Variants in FIGN observed in about 807,000 individuals in gnomAD.
FIGN encodes the protein fidgetin, microtubule severing factor.
FIGN carries 11 observed loss-of-function variants against 51.3 expected under a neutral mutation model. The ratio of observed to expected loss-of-function variants is 0.21; its 90% CI spans 0.13 to 0.35. The LOEUF is 0.35. Ranked by LOEUF, FIGN falls within the 10% of genes least tolerant of loss-of-function variation. The probability of loss-of-function intolerance (pLI) is 1.00; values close to 1 mark genes in which losing one functional copy is unlikely to be tolerated. For missense variants in FIGN, 857 were observed against 943.6 expected, an observed-to-expected ratio of 0.91 and a Z score of 1.20; for synonymous variants, 407 against 363.2, an observed-to-expected ratio of 1.12 and a Z score of -1.37.
chr2:163,609,204 T>C lies in FIGN; in HGVS notation c.*348A>G. 4.4e-6 allele frequency: 1 copy of C among 227,666 alleles called. No individual in the cohort carries two copies. The highest frequency in any genetic ancestry group is 9.3e-5 in the East Asian group (1 of 10,766). The allele number at this position is 227,666 out of a possible 1,614,324, so 14.1% of individuals were successfully genotyped here. ...AAAAATAAAGCACCACTCCAGGCAC[T>C]TGACAGCAACTAAATCTCGAGAACA... On this transcript the variant is annotated 3_prime_UTR_variant, in exon 3 of 3. Transcript: ENST00000333129.
chr2:163,682,887 G>A (rs989797136), intron 2 of FIGN, among the ~76,000 whole-genome samples: 20 of 152,162 alleles, frequency 1.3e-4, no homozygotes, highest in African/African-American at 4.3e-4. Flanking sequence ...GACTTTGGAT[G>A]AGTCACTTAA....
Position 163,611,822 on chromosome 2 carries a change from G to C in FIGN, c.26-16C>G. On this transcript the variant is annotated splice_polypyrimidine_tract_variant and intron_variant, in intron 2 of 2. Transcript: ENST00000333129. Reference sequence around the variant, plus strand: ...ATCTTCAAGCCTAAGAATTTTGGGGGGAAAAGAGTTAATTTACTTAAATAG... The same window carrying C: ...ATCTTCAAGCCTAAGAATTTTGGGGCGAAAAGAGTTAATTTACTTAAATAG... The C allele has an allele frequency of 6.3e-7, 1 of 1,580,382 alleles. No individual in the cohort carries two copies. The highest frequency in any genetic ancestry group is 8.6e-7 in the Non-Finnish European group (1 of 1,157,614).
chr2:163,726,714 A>G (rs1469894069), intron 2 of FIGN, among the ~76,000 whole-genome samples: 2 of 152,114 alleles, frequency 1.3e-5, no homozygotes, highest in Non-Finnish European at 2.9e-5. Context: ...TATTCCATTT[A>G]GATAATCAAA....
At chr2:163,703,214 C>T (rs1684438303) in intron 2 of FIGN, among the ~76,000 whole-genome samples, 1 of 151,966 alleles carries the variant, frequency 6.6e-6, no homozygotes, top group Admixed American at 6.6e-5. Context: ...AAAAAGATTT[C>T]CATTTGAATA....
In FIGN at chr2:163,694,291, T is replaced by C. The variant is rs189581347; in HGVS notation, c.25+40612A>G. On this transcript the variant is annotated intron_variant, in intron 2 of 2. Transcript: ENST00000333129. ...ATGCTTAAATCAATGTTTCTCATGG[T>C]ATGCTCTATGGAACACTGGATTATA... Among the ~76,000 whole-genome samples the C allele has an allele frequency of 5.8e-3, 881 of 152,328 alleles. 2 individuals are homozygous for C. Among genetic ancestry groups the C allele is most frequent in the Non-Finnish European group, 9.3e-3 (635 of 68,024 alleles).
chr2:163,731,777 A>G (rs1684933739), intron 2 of FIGN, among the ~76,000 whole-genome samples: 1 of 151,998 alleles, frequency 6.6e-6, no homozygotes, highest in Admixed American at 6.6e-5. Context: ...TGTTTTTAGG[A>G]GAAGAGAAAA....
chr2:163,658,778 G>C (rs1433920046), intron 2 of FIGN, among the ~76,000 whole-genome samples: 1 of 152,180 alleles, frequency 6.6e-6, no homozygotes, highest in Non-Finnish European at 1.5e-5. Context: ...CTCCAACATT[G>C]GGGATCAAAT....
At chr2:163,669,868 C>T (rs1683847541) in intron 2 of FIGN, among the ~76,000 whole-genome samples, 2 of 152,064 alleles carry the variant, frequency 1.3e-5, no homozygotes, top group Non-Finnish European at 2.9e-5. Context: ...AAATGATTAT[C>T]CTTAGAACAT....
chr2:163,610,245 C>T lies in FIGN; in HGVS notation c.1587G>A (p.Gly529=), dbSNP rs746130720. 12 of 1,613,966 alleles carry T rather than the reference C, an allele frequency of 7.4e-6. No homozygotes were observed. Among genetic ancestry groups the T allele is most frequent in the South Asian group, 6.6e-5 (6 of 91,086 alleles). The change falls in exon 3 of 3, where the codon GGG becomes GGA. Residue 529 remains glycine, a synonymous_variant. Transcript: ENST00000333129. ...PRSILLFGPR[G]TGKTLLGRCI... The stretch of plus-strand genomic sequence containing the variant: ...ATCTGCCCAATAATGTTTTGCCTGT[C>T]CCCCGAGGTCCAAATAAAAGGATGC...
chr2:163,648,905 T>G (rs2105320498), intron 2 of FIGN, among the ~76,000 whole-genome samples: 1 of 152,298 alleles, frequency 6.6e-6, no homozygotes, highest in South Asian at 2.1e-4. Context: ...ATAGTCCAGT[T>G]TATAACTAGC....
At chr2:163,655,865 T>C (rs1274428304) in intron 2 of FIGN, among the ~76,000 whole-genome samples, 1 of 149,860 alleles carries the variant, frequency 6.7e-6, no homozygotes, top group Admixed American at 6.6e-5. Context: ...CTCTAAACAC[T>C]CCATGCAGAA....
chr2:163,710,127 A>C (rs1684564662), intron 2 of FIGN, among the ~76,000 whole-genome samples: 1 of 152,138 alleles, frequency 6.6e-6, no homozygotes, highest in Non-Finnish European at 1.5e-5. Context: ...TAGTGCTATC[A>C]ATTAGTGTTC....
chr2:163,662,915 C>T (rs1459853792), intron 2 of FIGN, among the ~76,000 whole-genome samples: 1 of 152,200 alleles, frequency 6.6e-6, no homozygotes, highest in Non-Finnish European at 1.5e-5. Context: ...CTTGCTGCCA[C>T]CACATAAGAA....
intron 2 of FIGN, among the ~76,000 whole-genome samples, chr2:163,733,813 G>A (rs1358481277): frequency 6.6e-6 from 1 of 152,146 alleles, no homozygotes; most frequent in African/African-American, 2.4e-5. Flanking sequence ...GGAGAGAGCA[G>A]TGACCACGGC....
intron 2 of FIGN, among the ~76,000 whole-genome samples, chr2:163,706,581 T>A (rs1335253465): frequency 6.6e-6 from 1 of 152,214 alleles, no homozygotes; most frequent in African/African-American, 2.4e-5. Context: ...ACTGAGCTAA[T>A]TTTTCTTTTT....
chr2:163,671,510 G>A (rs1034615521), intron 2 of FIGN, among the ~76,000 whole-genome samples: 1 of 152,140 alleles, frequency 6.6e-6, no homozygotes, highest in African/African-American at 2.4e-5. Context: ...AAAATTGGTA[G>A]ATTTACAGTC....
At chr2:163,730,869 T>G (rs191258205) in intron 2 of FIGN, among the ~76,000 whole-genome samples, 2 of 152,288 alleles carry the variant, frequency 1.3e-5, no homozygotes, top group East Asian at 3.9e-4. Flanking sequence ...GTAATTAAAT[T>G]TATTTGCTCT....
intron 2 of FIGN, among the ~76,000 whole-genome samples, chr2:163,661,872 G>A (rs1317560511): frequency 6.6e-6 from 1 of 152,120 alleles, no homozygotes; most frequent in Admixed American, 6.6e-5. Context: ...CCAGCCATGT[G>A]GAACTGTAAG....
rs375449325 is a variant in FIGN at position 163,611,415 on chromosome 2, G to A, written c.417C>T (p.Leu139=). 5.0e-6 allele frequency: 8 copies of A among 1,614,138 alleles called. No individual in the cohort carries two copies. Among genetic ancestry groups the A allele is most frequent in the Non-Finnish European group, 6.8e-6 (8 of 1,180,010 alleles). The change falls in exon 3 of 3, where the codon CTC becomes CTT. Residue 139 remains leucine, a synonymous_variant. Coordinates refer to ENST00000333129, the MANE Select transcript of FIGN (RefSeq NM_018086.4). The stretch of plus-strand genomic sequence containing the variant: ...TACTCGCAGAGACATCTGCTGGAGG[G>A]AGGGCTGAACTGACTCCAGCTTTGC... ...TASKAGVSSA[L]PPADVSASIG...
Sources: gnomAD v4.1 joint callset for allele counts (sites outside exome capture counted in the v4.1 genomes callset) on GRCh38, gnomAD v4.1.1 for gene constraint, MANE v1.5 for transcripts, NCBI Gene and HGNC (gene_info 2026-07-23, HGNC 2026-07-21) for gene names.